PRKG1: variants seen among roughly 807,000 people sequenced by gnomAD.
PRKG1 encodes the protein cGMP-dependent protein kinase 1.
In PRKG1, 35 loss-of-function variants were observed where a neutral mutation model predicts 88.1. That is an observed-to-expected ratio of 0.40 (90% CI 0.30 to 0.53). The LOEUF is 0.53. Ranked by LOEUF, PRKG1 falls within the 20% of genes least tolerant of loss-of-function variation. PRKG1 has a pLI of 0.59. For missense variants in PRKG1, 540 were observed against 839.8 expected (o/e 0.64, Z 4.41); for synonymous variants, 303 against 292.5 (o/e 1.04, Z -0.37).
At chr10:52,068,381 C>G (rs564187049) in intron 7 of PRKG1, among the ~76,000 whole-genome samples, 72 of 152,202 alleles carry the variant, frequency 4.7e-4, no homozygotes, top group African/African-American at 1.5e-3. Context: ...CAGTAGCCAC[C>G]TTCCTTTCTT....
At chr10:51,571,468 A>G (rs7923664) in intron 3 of PRKG1, among the ~76,000 whole-genome samples, 32,814 of 151,760 alleles carry the variant, frequency 0.22, 5,204 homozygotes, top group African/African-American at 0.45. Context: ...TAAATGTTAT[A>G]TAAACATAAA....
chr10:51,266,264 C>T (rs530374593), intron 2 of PRKG1, among the ~76,000 whole-genome samples: 37 of 152,018 alleles, frequency 2.4e-4, no homozygotes, highest in East Asian at 1.7e-3. Context: ...ATCAAGGTGA[C>T]GTAAAAGAGT....
At chr10:52,293,465 G>A (rs1842313745) in intron 17 of PRKG1, among the ~76,000 whole-genome samples, 1 of 152,118 alleles carries the variant, frequency 6.6e-6, no homozygotes, top group African/African-American at 2.4e-5. Context: ...TCAATCCTGA[G>A]CCAAAGAACA....
At chr10:52,128,163 G>A in intron 7 of PRKG1, 1 of 985,384 alleles carries the variant, frequency 1.0e-6, no homozygotes, top group South Asian at 4.7e-5. Flanking sequence ...AGAGTAAAGA[G>A]CTCTGACCCC....
intron 3 of PRKG1, among the ~76,000 whole-genome samples, chr10:51,524,796 T>G (rs562228317): frequency 3.1e-4 from 47 of 152,352 alleles, no homozygotes; most frequent in African/African-American, 1.1e-3. Context: ...ATACTAACAC[T>G]ATGTTTTCTC....
Position 50,991,611 on chromosome 10 carries a change from G to T in PRKG1, c.233G>T (p.Arg78Leu). 6.4e-7 allele frequency: 1 copy of T among 1,560,748 alleles called. No homozygotes were observed. The change falls in exon 1 of 18, where the codon CGA becomes CTA. Residue 78 changes from arginine (R) to leucine (L), a missense_variant. Arg to Leu is a moderately radical substitution (Grantham distance 102). Coordinates refer to the PRKG1 transcript ENST00000401604. This position sits in a 1 kb window ranked among gnomAD's most constrained non-coding sequence, Gnocchi z 4.5. ...ACGTACAGGTCCTTCCACGACCTCC[G>T]ACAGGCATTCCGGAAGTTCACCAAG...
At chr10:51,528,571 C>A (rs1262573967) in intron 3 of PRKG1, among the ~76,000 whole-genome samples, 3 of 140,752 alleles carry the variant, frequency 2.1e-5, no homozygotes, top group African/African-American at 2.7e-5. Flanking sequence ...TTCAGTACAG[C>A]AAAAAAAAAA....
At chr10:51,307,644 G>T (rs989495009) in intron 2 of PRKG1, among the ~76,000 whole-genome samples, 2 of 152,088 alleles carry the variant, frequency 1.3e-5, no homozygotes, top group African/African-American at 4.8e-5. Context: ...CCCGAGTAGA[G>T]GCAATAAGCA....
At chr10:51,448,560 A>G (rs1222940096) in intron 2 of PRKG1, among the ~76,000 whole-genome samples, 1 of 152,072 alleles carries the variant, frequency 6.6e-6, no homozygotes, top group African/African-American at 2.4e-5. Context: ...CATTTATTCA[A>G]CTACTACCAG....
intron 3 of PRKG1, among the ~76,000 whole-genome samples, chr10:51,585,549 C>A (rs920683212): frequency 6.6e-6 from 1 of 152,018 alleles, no homozygotes; most frequent in African/African-American, 2.4e-5. Flanking sequence ...CCATTTTCTG[C>A]GAATTCCAGG....
At chr10:51,082,362 C>T (rs1844133285) in intron 1 of PRKG1, among the ~76,000 whole-genome samples, 1 of 152,168 alleles carries the variant, frequency 6.6e-6, no homozygotes, top group Non-Finnish European at 1.5e-5. Flanking sequence ...GACTCTGGGA[C>T]TAGTGGAAGA....
intron 4 of PRKG1, among the ~76,000 whole-genome samples, chr10:51,890,877 A>C (rs1841702626): frequency 6.6e-6 from 1 of 152,184 alleles, no homozygotes; most frequent in African/African-American, 2.4e-5. Context: ...AATCACTTGA[A>C]CCTGGGAGGT....
At chr10:52,109,091 G>T (rs1847495219) in intron 7 of PRKG1, among the ~76,000 whole-genome samples, 1 of 152,090 alleles carries the variant, frequency 6.6e-6, no homozygotes, top group Admixed American at 6.5e-5. Flanking sequence ...CTCCCAAAGT[G>T]CTGGGATTAC....
At chr10:51,757,215 C>T (rs1837891533) in intron 3 of PRKG1, among the ~76,000 whole-genome samples, 1 of 152,084 alleles carries the variant, frequency 6.6e-6, no homozygotes, top group Admixed American at 6.6e-5. Flanking sequence ...GATTCTCCTG[C>T]CTCAACTTCC....
intron 17 of PRKG1, among the ~76,000 whole-genome samples, chr10:52,291,763 T>C (rs1311862940): frequency 6.6e-6 from 1 of 151,964 alleles, no homozygotes; most frequent in Non-Finnish European, 1.5e-5. Flanking sequence ...TTTGGGTATA[T>C]ACCCAGTAAT....
intron 4 of PRKG1, among the ~76,000 whole-genome samples, chr10:51,860,725 G>A (rs1292460539): frequency 6.6e-6 from 1 of 152,146 alleles, no homozygotes; most frequent in Non-Finnish European, 1.5e-5. Context: ...TAGAAATAAG[G>A]ACTTTGTTGA....
intron 7 of PRKG1, among the ~76,000 whole-genome samples, chr10:52,092,719 A>T (rs1030910297): frequency 1.3e-5 from 2 of 152,222 alleles, no homozygotes; most frequent in Non-Finnish European, 1.5e-5. Flanking sequence ...CTTGTATTGT[A>T]TAATGCTTTA....
At chr10:51,257,175 T>C (rs1199881514) in intron 2 of PRKG1, among the ~76,000 whole-genome samples, 1 of 151,924 alleles carries the variant, frequency 6.6e-6, no homozygotes, top group Non-Finnish European at 1.5e-5. Flanking sequence ...GGTTTTTTTT[T>C]TTTTTTTGAG....
chr10:52,131,790 C>T (rs922581607), intron 7 of PRKG1, among the ~76,000 whole-genome samples: 15 of 111,978 alleles, frequency 1.3e-4, no homozygotes, highest in South Asian at 3.2e-4. Context: ...TGCACTCCAG[C>T]GTGGGCAACA....
Sources: gnomAD v4.1 joint callset for allele counts (sites outside exome capture counted in the v4.1 genomes callset) on GRCh38, gnomAD v4.1.1 for gene constraint, Gnocchi (gnomAD v3.1) non-coding constraint, MANE v1.5 for transcripts, NCBI Gene and HGNC (gene_info 2026-07-23, HGNC 2026-07-21) for gene names.